Variants in PARVB observed in about 807,000 individuals in gnomAD.
The protein encoded by PARVB is beta-parvin.
PARVB carries 46 observed loss-of-function variants against 47.0 expected under a neutral mutation model. The observed-to-expected ratio is 0.98, with a 90% CI of 0.77 to 1.25. The LOEUF (loss-of-function observed/expected upper bound fraction) is 1.25. Ranked by LOEUF, PARVB falls within the 50% of genes most tolerant of loss-of-function variation. PARVB has a pLI of 0.00. For synonymous variants in PARVB, 196 were observed against 196.3 expected (o/e 1.00, Z 0.01); for missense variants, 473 against 471.6 (o/e 1.00, Z -0.03).
chr22:44,037,956 G>A (rs987335735), intron 1 of PARVB, among the ~76,000 whole-genome samples: 1 of 152,122 alleles, frequency 6.6e-6, no homozygotes, highest in Non-Finnish European at 1.5e-5. Context: ...GCCCAGCCCA[G>A]CTCCAGCTCC....
At chr22:44,151,452 A>G (rs958806468) in intron 9 of PARVB, 31 bp from the exon 10 acceptor site, 5 of 1,588,392 alleles carry the variant, frequency 3.1e-6, no homozygotes, top group Non-Finnish European at 4.3e-6. Context: ...CGGGCCATTC[A>G]TGGCTCCTGT....
intron 2 of PARVB, among the ~76,000 whole-genome samples, chr22:44,010,931 G>C (rs372408764): frequency 7.5e-6 from 1 of 134,122 alleles, no homozygotes; most frequent in African/African-American, 2.9e-5. Flanking sequence ...TCGCTCTGTC[G>C]CCCAGGCTAG....
intron 1 of PARVB, among the ~76,000 whole-genome samples, chr22:44,086,511 C>T (rs5764510): frequency 0.83 from 126,670 of 152,202 alleles, 53,831 homozygotes; most frequent in East Asian, 1. Flanking sequence ...GGCCTTTGCA[C>T]GCGTGATGTG....
At chr22:44,127,643 G>T (rs560918371) in intron 4 of PARVB, among the ~76,000 whole-genome samples, 1 of 151,258 alleles carries the variant, frequency 6.6e-6, no homozygotes, top group Admixed American at 6.5e-5. Flanking sequence ...CACAAGGGAG[G>T]GGGAGCCAGA....
At chr22:44,050,091 G>A (rs1441590839) in intron 1 of PARVB, among the ~76,000 whole-genome samples, 3 of 152,102 alleles carry the variant, frequency 2.0e-5, no homozygotes, top group East Asian at 1.9e-4. Flanking sequence ...TCAGATGAAC[G>A]GGCCTCCTCT....
At chr22:44,059,214 T>C (rs1457419375) in intron 1 of PARVB, among the ~76,000 whole-genome samples, 1 of 151,956 alleles carries the variant, frequency 6.6e-6, no homozygotes, top group African/African-American at 2.4e-5. Flanking sequence ...CCCAGCTAAT[T>C]TTTGTATGTT....
At position 44,140,212 on chromosome 22, in the gene PARVB, T is replaced by G. The variant is rs547349184; in HGVS notation, c.712+69T>G. On this transcript the variant is annotated intron_variant, in intron 8 of 12. Transcript: ENST00000338758. ...GCTCCCCCAGGAAGCTCCCAGAGAG[T>G]GTACATGGTTATCTGGAGGGAGTGG... 1.1e-4 allele frequency: 164 copies of G among 1,485,302 alleles called. No homozygotes were observed. The East Asian group carries it at 3.6e-3, about 33-fold the overall frequency. The allele number at this position is 1,485,302 out of a possible 1,614,324, so 92.0% of individuals were successfully genotyped here.
intron 4 of PARVB, 95 bp from the exon 5 acceptor site, chr22:44,131,392 T>C: frequency 7.4e-7 from 1 of 1,349,274 alleles, no homozygotes; most frequent in South Asian, 1.3e-5. Context: ...TTCACCCACC[T>C]CGGCCTCTCA....
chr22:44,058,189 G>A (rs2051350663), intron 1 of PARVB, among the ~76,000 whole-genome samples: 1 of 152,178 alleles, frequency 6.6e-6, no homozygotes, highest in South Asian at 2.1e-4. Flanking sequence ...TCCCAGCTCT[G>A]AAGACCAGAA....
intron 1 of PARVB, among the ~76,000 whole-genome samples, chr22:44,038,059 C>T (rs904124739): frequency 4.6e-5 from 7 of 152,210 alleles, no homozygotes; most frequent in African/African-American, 1.4e-4. Context: ...CCCTCACGTC[C>T]CCTGTTCTCT....
intron 4 of PARVB, among the ~76,000 whole-genome samples, chr22:44,129,353 G>A (rs1000472239): frequency 4.6e-5 from 7 of 152,180 alleles, no homozygotes; most frequent in African/African-American, 1.7e-4. Flanking sequence ...GCCGCACGGT[G>A]TGTGGCATGC....
chr22:44,132,155 G>A (rs1483068065), intron 5 of PARVB, among the ~76,000 whole-genome samples: 1 of 152,208 alleles, frequency 6.6e-6, no homozygotes, highest in African/African-American at 2.4e-5. Context: ...CCATGAGGGT[G>A]TGGCTTCAGG....
intron 2 of PARVB, among the ~76,000 whole-genome samples, chr22:44,011,142 A>T (rs1174977787): frequency 6.6e-6 from 1 of 151,848 alleles, no homozygotes; most frequent in African/African-American, 2.4e-5. Context: ...CTAATTTTTT[A>T]AAAATATTTT....
chr22:44,015,773 T>G (rs184808151), intron 2 of PARVB, among the ~76,000 whole-genome samples: 2 of 152,196 alleles, frequency 1.3e-5, no homozygotes, highest in Non-Finnish European at 1.5e-5. Context: ...GAGCCAAGAT[T>G]GTGCCACTGC....
intron 10 of PARVB, among the ~76,000 whole-genome samples, chr22:44,156,104 T>C (rs2053926855): frequency 6.6e-6 from 1 of 151,680 alleles, no homozygotes; most frequent in South Asian, 2.1e-4. Flanking sequence ...GAGCCGAGGT[T>C]GCAGTGAGCC....
At chr22:44,142,240 TGGTGGCG>T (rs1342893050) in intron 8 of PARVB, 3 of 151,864 alleles carry the variant, frequency 2.0e-5, no homozygotes, top group Non-Finnish European at 4.4e-5. Context: ...TAGCCGGGCG[TGGTGGCG>T]GGCACCTGTA....
chr22:44,026,063 A>G (rs1244871997), intron 1 of PARVB, among the ~76,000 whole-genome samples: 4 of 152,186 alleles, frequency 2.6e-5, no homozygotes, highest in African/African-American at 9.6e-5. Flanking sequence ...CCAGAGGAAA[A>G]AGTCTTTCAT....
Position 44,171,905 on chromosome 22 carries a change from T to A in PARVB, c.*3227T>A, listed in dbSNP as rs965309441. 2 of 148,726 alleles carry A rather than the reference T, an allele frequency of 1.3e-5. No homozygotes were observed. The highest frequency in any genetic ancestry group is 5.0e-5 in the African/African-American group (2 of 39,876). 9.2% of individuals were successfully genotyped at this position (148,726 alleles called of 1,614,324 possible). A position where few individuals can be genotyped will look rare whatever the true frequency, so the allele number is the denominator to read the frequency against. On this transcript the variant is annotated 3_prime_UTR_variant, in exon 13 of 13. Coordinates refer to ENST00000338758, the MANE Select transcript of PARVB (RefSeq NM_013327.5). The stretch of plus-strand genomic sequence containing the variant: ...ATTCACAGACACACACATAGCAGAC[T>A]ACAGACTACAGCCTTGAACTCCTGG...
In PARVB at chr22:44,168,571, G is replaced by A. The variant is rs574956129; in HGVS notation, c.1019-31G>A. Reference sequence around the variant, plus strand: ...TACCGCAATGACAGGAGGATGGCACGCCTCTGAAGTTTCTCTGTTTCCTTC... The same window carrying A: ...TACCGCAATGACAGGAGGATGGCACACCTCTGAAGTTTCTCTGTTTCCTTC... On this transcript the variant is annotated intron_variant, in intron 12 of 12. Coordinates refer to ENST00000338758, the MANE Select transcript of PARVB (RefSeq NM_013327.5). The A allele has an allele frequency of 3.5e-5, 53 of 1,493,898 alleles. No homozygotes were observed. In the South Asian group the frequency reaches 4.1e-4, roughly 11 times the overall value. 92.5% of individuals were successfully genotyped at this position (1,493,898 alleles called of 1,614,324 possible).
Sources: allele counts gnomAD v4.1 joint callset (sites outside exome capture counted in the v4.1 genomes callset), GRCh38; gene constraint gnomAD v4.1.1; transcripts MANE v1.5; gene names NCBI Gene and HGNC (gene_info 2026-07-23, HGNC 2026-07-21).